The following PFKFB3 variants were observed in gnomAD, a reference collection of about 807,000 sequenced individuals.
PFKFB3 encodes the protein 6-phosphofructo-2-kinase/fructose-2,6-bisphosphatase 3.
A neutral mutation model predicts 68.0 loss-of-function variants in PFKFB3; 33 were observed. The ratio of observed to expected loss-of-function variants is 0.49; its 90% CI spans 0.37 to 0.65. PFKFB3 has a LOEUF of 0.65. PFKFB3 is among the 30% of genes least tolerant of loss of function. The pLI is 0.00. For missense variants in PFKFB3, 586 were observed against 712.2 expected (o/e 0.82, Z 2.02); for synonymous variants, 315 against 288.2 (o/e 1.09, Z -0.94).
the PFKFB3 span, among the ~76,000 whole-genome samples, chr10:6,304,561 A>G: frequency 1.3e-5 from 2 of 150,936 alleles, no homozygotes; most frequent in Non-Finnish European, 2.9e-5. Flanking sequence ...GAGTTTCACC[A>G]TGTTGACCAG....
At chr10:6,248,591 T>C (rs751525090) in intron 14 of PFKFB3, among the ~76,000 whole-genome samples, 4 of 122,248 alleles carry the variant, frequency 3.3e-5, no homozygotes, top group Non-Finnish European at 6.3e-5. Context: ...ATCGTGCCAC[T>C]GGATTCCAGC....
chr10:6,194,508 A>G (rs948018372), intron 1 of PFKFB3, among the ~76,000 whole-genome samples: 20 of 152,198 alleles, frequency 1.3e-4, no homozygotes, highest in Non-Finnish European at 1.0e-4. Flanking sequence ...CTGTTGTTGG[A>G]GGGGGATGCA....
exon 15 of PFKFB3, chr10:6,254,614 T>C: frequency 8.9e-6 from 3 of 337,160 alleles, no homozygotes; most frequent in Non-Finnish European, 1.6e-5. Flanking sequence ...TCACTTTCAG[T>C]ACAATGTTCA....
intron 1 of PFKFB3, among the ~76,000 whole-genome samples, chr10:6,150,931 C>T (rs957129647): frequency 1.3e-5 from 2 of 151,858 alleles, no homozygotes; most frequent in Non-Finnish European, 1.5e-5. Flanking sequence ...CCTGGGGGGG[C>T]GGAGATTGCA....
intron 1 of PFKFB3, among the ~76,000 whole-genome samples, chr10:6,212,968 A>T (rs1268985486): frequency 1.3e-5 from 2 of 151,138 alleles, no homozygotes; most frequent in Non-Finnish European, 3.0e-5. Context: ...CACCCTCTTG[A>T]CTCTTAGCCC....
intron 1 of PFKFB3, among the ~76,000 whole-genome samples, chr10:6,204,001 C>T (rs1468848640): frequency 2.0e-5 from 3 of 152,346 alleles, no homozygotes; most frequent in East Asian, 1.9e-4. Flanking sequence ...CGCCTGTGTC[C>T]CCGGCTTTGG....
chr10:6,206,552 C>CCCTT (rs1843718281), intron 1 of PFKFB3, among the ~76,000 whole-genome samples: 1 of 87,414 alleles, frequency 1.1e-5, no homozygotes, highest in Non-Finnish European at 2.2e-5. Flanking sequence ...CCCCTCACCT[C>CCCTT]CCGGACGGGG....
chr10:6,291,603 A>C, the PFKFB3 span, among the ~76,000 whole-genome samples: 1 of 151,978 alleles, frequency 6.6e-6, no homozygotes, highest in East Asian at 1.9e-4. Context: ...CAATTTTTAC[A>C]TTCAATCTAT....
chr10:6,177,354 C>CTTTT (rs1301342118), intron 1 of PFKFB3, among the ~76,000 whole-genome samples: 5 of 77,924 alleles, frequency 6.4e-5, no homozygotes, highest in Non-Finnish European at 1.4e-4. Context: ...CTTTTCTTTT[C>CTTTT]TCTTTCTTTC....
intron 10 of PFKFB3, chr10:6,222,599 C>T (rs746860105): frequency 1.2e-4 from 34 of 291,352 alleles, no homozygotes; most frequent in Admixed American, 4.5e-4. Flanking sequence ...AGATGCCACA[C>T]GTGCCTTTTG....
chr10:6,251,133 C>G (rs1846372827), intron 14 of PFKFB3, among the ~76,000 whole-genome samples: 1 of 152,188 alleles, frequency 6.6e-6, no homozygotes, highest in Non-Finnish European at 1.5e-5. Flanking sequence ...TTTTCCAGCT[C>G]AAATATTTCA....
chr10:6,171,844 C>T (rs11812305), intron 1 of PFKFB3, among the ~76,000 whole-genome samples: 4,262 of 152,312 alleles, frequency 0.028, 108 homozygotes, highest in African/African-American at 0.071. Flanking sequence ...CTCAGAGCCA[C>T]GATGAGAGTG....
intron 1 of PFKFB3, among the ~76,000 whole-genome samples, chr10:6,177,415 C>CTTTCTTCTTTCTTTCTT (rs1311907121): frequency 5.0e-5 from 2 of 39,754 alleles, no homozygotes; most frequent in African/African-American, 7.5e-5. Flanking sequence ...TTTCTTCTTT[C>CTTTCTTCTTTCTTTCTT]TCTTTCTTCC....
chr10:6,247,689 C>T lies in PFKFB3; in HGVS notation c.1516-6489C>T, dbSNP rs116704897. On this transcript the variant is annotated intron_variant, in intron 14 of 14. Transcript: ENST00000640683. ...CCAGAGCCCTGACCCATTCCACTTC[C>T]GTGATGGAGTGTCCTCCAGACCCCT... Among the ~76,000 whole-genome samples the T allele has an allele frequency of 1.6e-3, 243 of 152,280 alleles. 1 individual carries two copies. The highest frequency in any genetic ancestry group is 4.8e-3 in the African/African-American group (200 of 41,560).
chr10:6,279,307 A>G, the PFKFB3 span, among the ~76,000 whole-genome samples: 3 of 152,234 alleles, frequency 2.0e-5, no homozygotes, highest in African/African-American at 7.2e-5. Flanking sequence ...TCTTAGGAAC[A>G]TTAGTGGTCA....
At chr10:6,163,807 C>G (rs1250357308) in intron 1 of PFKFB3, 3 of 151,876 alleles carry the variant, frequency 2.0e-5, no homozygotes, top group African/African-American at 4.8e-5. Context: ...ACGCCGCGTT[C>G]ACGTGCTGTC....
chr10:6,173,769 A>G (rs544415507), intron 1 of PFKFB3, among the ~76,000 whole-genome samples: 1 of 152,144 alleles, frequency 6.6e-6, no homozygotes, highest in South Asian at 2.1e-4. Context: ...GCCTCATTGT[A>G]GAGGACCTTC....
At chr10:6,186,499 C>T (rs1842871584) in intron 1 of PFKFB3, among the ~76,000 whole-genome samples, 1 of 152,204 alleles carries the variant, frequency 6.6e-6, no homozygotes, top group Non-Finnish European at 1.5e-5. Context: ...AATTCACCTT[C>T]ACCTTTCTTT....
At chr10:6,225,886 C>T (rs563097231) in intron 13 of PFKFB3, among the ~76,000 whole-genome samples, 5 of 152,334 alleles carry the variant, frequency 3.3e-5, no homozygotes, top group South Asian at 4.1e-4. Flanking sequence ...TTTCTCCGAC[C>T]TCACGCTCTG....
Sources: gnomAD v4.1 joint callset for allele counts (sites outside exome capture counted in the v4.1 genomes callset) on GRCh38, gnomAD v4.1.1 for gene constraint, MANE v1.5 for transcripts, NCBI Gene and HGNC (gene_info 2026-07-23, HGNC 2026-07-21) for gene names.